Variants in GARRE1 observed in about 807,000 individuals in gnomAD.
GARRE1 encodes granule associated Rac and RHOG effector 1.
GARRE1 carries 49 observed loss-of-function variants against 103.2 expected under a neutral mutation model. The ratio of observed to expected loss-of-function variants is 0.47; its 90% CI spans 0.38 to 0.60. GARRE1 has a LOEUF of 0.60. Ranked by LOEUF, GARRE1 falls within the 20% of genes least tolerant of loss-of-function variation. GARRE1 has a pLI of 0.00. For synonymous variants in GARRE1, 505 were observed against 532.8 expected (o/e 0.95, Z 0.72); for missense variants, 1,199 against 1,370.5 (o/e 0.87, Z 1.98).
chr19:34,347,958 G>A lies in GARRE1; in HGVS notation c.2603G>A (p.Arg868His), dbSNP rs746927443. ...CAGAAGCGGCAGGCCCAGCACGGTC[G>A]CCGGCCAGGCAACCCCCGGGGCAAC... Reference protein sequence around the residue: ...MQQKRQAQHGRRPGNPRGNWP... With the variant: ...MQQKRQAQHGHRPGNPRGNWP... Residue 868 changes from arginine (R) to histidine (H), a missense_variant, in exon 11 of 14, where the codon CGC becomes CAC. Arg to His is a conservative substitution (Grantham distance 29, BLOSUM62 0). Coordinates refer to ENST00000299505, the MANE Select transcript of GARRE1 (RefSeq NM_014686.5). The A allele has an allele frequency of 1.2e-5, 19 of 1,587,838 alleles. No homozygotes were observed. In the Admixed American group the frequency reaches 1.6e-4, roughly 13 times the overall value.
In GARRE1 at chr19:34,327,560, A is replaced by T. The variant is rs991994428; in HGVS notation, c.845A>T (p.Gln282Leu). The T allele has an allele frequency of 6.2e-7, 1 of 1,613,472 alleles. No homozygotes were observed. The change falls in exon 4 of 14, where the codon CAA becomes CTA. Residue 282 changes from glutamine to leucine, a missense_variant and splice_region_variant. Gln to Leu is a moderately radical substitution (Grantham distance 113). Coordinates refer to ENST00000299505, the MANE Select transcript of GARRE1 (RefSeq NM_014686.5). ...ELNIKIDSAL[Q>L]AYKIALESLG... Reference sequence around the variant, plus strand: ...AACATAAAAATCGACAGTGCTTTGCAAGTAAGTTTTTCAGAACTGACATAC... The same window carrying T: ...AACATAAAAATCGACAGTGCTTTGCTAGTAAGTTTTTCAGAACTGACATAC...
intron 3 of GARRE1, among the ~76,000 whole-genome samples, chr19:34,320,781 C>G (rs896769829): frequency 2.0e-5 from 3 of 149,662 alleles, no homozygotes; most frequent in Non-Finnish European, 4.4e-5. Flanking sequence ...AAGTGCAGTG[C>G]TGCGATCAAG....
At chr19:34,270,439 C>G (rs2073780329) in intron 1 of GARRE1, among the ~76,000 whole-genome samples, 1 of 152,168 alleles carries the variant, frequency 6.6e-6, no homozygotes, top group Non-Finnish European at 1.5e-5. Flanking sequence ...TGTCGTGGCC[C>G]TGTGGCCTCT....
At chr19:34,259,736 G>A (rs2073703495) in intron 1 of GARRE1, among the ~76,000 whole-genome samples, 1 of 152,006 alleles carries the variant, frequency 6.6e-6, no homozygotes, top group African/African-American at 2.4e-5. Flanking sequence ...AGAATGATAT[G>A]GTTAGGCTGT....
Position 34,353,835 on chromosome 19 carries a change from C to A in GARRE1, c.*880C>A, listed in dbSNP as rs1217096463. The stretch of plus-strand genomic sequence containing the variant: ...TGTGGTCAAGGGGCACTCAGAGACA[C>A]CTGCACTAGAAATTGCATTGACATT... On this transcript the variant is annotated 3_prime_UTR_variant, in exon 14 of 14. Coordinates refer to ENST00000299505, the MANE Select transcript of GARRE1 (RefSeq NM_014686.5). 6.6e-6 allele frequency: 1 copy of A among 152,368 alleles called. No individual in the cohort carries two copies. Among genetic ancestry groups the A allele is most frequent in the Admixed American group, 6.5e-5 (1 of 15,268 alleles). The allele number at this position is 152,368 out of a possible 1,614,324, so 9.4% of individuals were successfully genotyped here.
At chr19:34,290,880 T>C (rs1281027965) in intron 1 of GARRE1, among the ~76,000 whole-genome samples, 2 of 4,150 alleles carry the variant, frequency 4.8e-4, no homozygotes, top group East Asian at 4.4e-3. Context: ...ATTGCTTTTT[T>C]TTTTTTTTTT....
rs2074190866 is a variant in GARRE1 at position 34,342,329 on chromosome 19, GATA to G, written c.2398_2400del (p.Asn800del). 6.2e-7 allele frequency: 1 copy of G among 1,614,050 alleles called. No individual in the cohort carries two copies. Among genetic ancestry groups the G allele is most frequent in the Non-Finnish European group, 8.5e-7 (1 of 1,180,044 alleles). On this transcript the variant is annotated inframe_deletion, in exon 10 of 14. Transcript: ENST00000299505. ...CTTGGGTCTGGTGAGCAGCTATATG[GATA>G]ATGTGATGTCAGAGGTTCTGGGACA...
rs1296865597 is a variant in GARRE1, at chr19:34,355,060, A to AGT, written c.*2106_*2107dup. The AGT allele has an allele frequency of 1.3e-5, 2 of 152,596 alleles. No homozygotes were observed. The highest frequency in any genetic ancestry group is 4.8e-5 in the African/African-American group (2 of 41,436). 9.5% of individuals were successfully genotyped at this position (152,596 alleles called of 1,614,324 possible). A position where few individuals can be genotyped will look rare whatever the true frequency, so the allele number is the denominator to read the frequency against. ...TGTAAGATAGTTTTCTATTTCCTTCAGTAATGTGTCCACAGTACCCTGTAT... is the reference window on the plus strand; with the variant it reads ...TGTAAGATAGTTTTCTATTTCCTTCAGTGTAATGTGTCCACAGTACCCTGTAT... On this transcript the variant is annotated 3_prime_UTR_variant, in exon 14 of 14. Coordinates refer to ENST00000299505, the MANE Select transcript of GARRE1 (RefSeq NM_014686.5).
chr19:34,314,864 G>A (rs943279142), intron 2 of GARRE1, among the ~76,000 whole-genome samples: 2 of 152,122 alleles, frequency 1.3e-5, no homozygotes, highest in South Asian at 2.1e-4. Flanking sequence ...TGCATTCTCT[G>A]TGTCTCTGGG....
intron 1 of GARRE1, among the ~76,000 whole-genome samples, chr19:34,297,664 G>A (rs373961826): frequency 6.6e-6 from 1 of 152,222 alleles, no homozygotes; most frequent in African/African-American, 2.4e-5. Flanking sequence ...CCCCGCTTCA[G>A]CATTCCTGTA....
At chr19:34,256,026 A>T (rs764926202) in intron 1 of GARRE1, among the ~76,000 whole-genome samples, 2 of 151,568 alleles carry the variant, frequency 1.3e-5, no homozygotes, top group Non-Finnish European at 2.9e-5. Flanking sequence ...TTTAGTAGAG[A>T]CAGGGTTTCG....
At chr19:34,310,487 C>A (rs554618995) in intron 2 of GARRE1, among the ~76,000 whole-genome samples, 2 of 152,200 alleles carry the variant, frequency 1.3e-5, no homozygotes, top group Non-Finnish European at 2.9e-5. Flanking sequence ...GGTGAAATGT[C>A]CAGAGCCAGG....
At chr19:34,269,597 G>A (rs924347782) in intron 1 of GARRE1, among the ~76,000 whole-genome samples, 1 of 151,940 alleles carries the variant, frequency 6.6e-6, no homozygotes, top group Non-Finnish European at 1.5e-5. Flanking sequence ...GGCCCTTGCT[G>A]TGTTACCCAG....
intron 2 of GARRE1, among the ~76,000 whole-genome samples, chr19:34,303,449 C>T (rs983391394): frequency 6.6e-6 from 1 of 152,186 alleles, no homozygotes; most frequent in African/African-American, 2.4e-5. Flanking sequence ...CTAATTTTTA[C>T]TGTGTTTAAA....
intron 1 of GARRE1, among the ~76,000 whole-genome samples, chr19:34,258,566 C>T (rs551723399): frequency 4.6e-5 from 7 of 152,000 alleles, no homozygotes; most frequent in South Asian, 2.1e-4. Context: ...GAGCGGATCA[C>T]GAGGTCAGGA....
At chr19:34,325,577 C>G (rs553730255) in intron 3 of GARRE1, among the ~76,000 whole-genome samples, 1 of 152,364 alleles carries the variant, frequency 6.6e-6, no homozygotes, top group Admixed American at 6.5e-5. Context: ...GATCTGTCCC[C>G]TTCTTCCACG....
At chr19:34,339,687 C>T (rs2074177111) in intron 8 of GARRE1, among the ~76,000 whole-genome samples, 180 bp from the exon 9 acceptor site, 2 of 152,184 alleles carry the variant, frequency 1.3e-5, no homozygotes, top group African/African-American at 2.4e-5. Flanking sequence ...GCTTCCTACT[C>T]CTCTTGTGGG....
At chr19:34,307,568 T>G (rs2074012830) in intron 2 of GARRE1, among the ~76,000 whole-genome samples, 1 of 147,806 alleles carries the variant, frequency 6.8e-6, no homozygotes, top group African/African-American at 2.5e-5. Context: ...ATATGTATTT[T>G]TTATATATGT....
At chr19:34,326,216 T>C (rs1371206195) in intron 3 of GARRE1, among the ~76,000 whole-genome samples, 2 of 152,238 alleles carry the variant, frequency 1.3e-5, no homozygotes. Context: ...ATACAGTTTG[T>C]GAAACCAAAG....
Sources: gnomAD v4.1 joint callset for allele counts (sites outside exome capture counted in the v4.1 genomes callset) on GRCh38, gnomAD v4.1.1 for gene constraint, MANE v1.5 for transcripts, NCBI Gene and HGNC (gene_info 2026-07-23, HGNC 2026-07-21) for gene names.